The following NXPE2 variants were observed in gnomAD, a reference collection of about 807,000 sequenced individuals.
NXPE2 encodes the protein neurexophilin and PC-esterase domain family member 2.
In NXPE2, 34 loss-of-function variants were observed where a neutral mutation model predicts 34.4. That is an observed-to-expected ratio of 0.99 (90% CI 0.75 to 1.31). The LOEUF (loss-of-function observed/expected upper bound fraction) is 1.31. NXPE2 is among the 40% of genes most tolerant of loss of function. NXPE2 has a pLI of 0.00. For synonymous variants in NXPE2, 235 were observed against 231.3 expected (o/e 1.02, Z -0.15); for missense variants, 649 against 672.5 (o/e 0.97, Z 0.39).
At chr11:114,582,032 A>C in the NXPE2 span, among the ~76,000 whole-genome samples, 1 of 152,226 alleles carries the variant, frequency 6.6e-6, no homozygotes. Context: ...ACACATACAC[A>C]CATGTGCATT....
chr11:114,601,931 ATATATATTATATAATTATATATAATAT>A, the NXPE2 span, among the ~76,000 whole-genome samples: 1 of 62,662 alleles, frequency 1.6e-5, no homozygotes, highest in Non-Finnish European at 2.9e-5. Context: ...TAATATATTT[ATATATATTATATAATTATATATAATAT>A]TATATATTAT....
chr11:114,558,999 CAGTT>C, the NXPE2 span, among the ~76,000 whole-genome samples: 2 of 152,098 alleles, frequency 1.3e-5, no homozygotes, highest in Non-Finnish European at 2.9e-5. Flanking sequence ...TACTATCCAA[CAGTT>C]AGATACAACT....
At chr11:114,571,549 G>A in the NXPE2 span, 165 of 1,243,312 alleles carry the variant, frequency 1.3e-4, no homozygotes, top group Non-Finnish European at 1.8e-4. Context: ...AGATGGAAGA[G>A]ATTTGATTGG....
chr11:114,513,038 C>T, the NXPE2 span: 1 of 424,634 alleles, frequency 2.4e-6, no homozygotes. Context: ...GGTATCTGAC[C>T]CCCCCCAGAA....
the NXPE2 span, among the ~76,000 whole-genome samples, chr11:114,602,071 T>C: frequency 1.1e-5 from 1 of 94,116 alleles, no homozygotes; most frequent in East Asian, 3.3e-4. Context: ...TTATAATATA[T>C]ATTCTATATT....
At chr11:114,792,720 TC>T in the NXPE2 span, among the ~76,000 whole-genome samples, 1 of 151,834 alleles carries the variant, frequency 6.6e-6, no homozygotes, top group Admixed American at 6.6e-5. Context: ...ACTTGATGCT[TC>T]CCCCATTTGG....
the NXPE2 span, among the ~76,000 whole-genome samples, chr11:114,483,507 T>G: frequency 6.6e-6 from 1 of 152,204 alleles, no homozygotes; most frequent in Admixed American, 6.5e-5. Flanking sequence ...TTAAGCCCAG[T>G]GCCTGGCACA....
At chr11:114,571,541 A>G in the NXPE2 span, 1 of 1,348,942 alleles carries the variant, frequency 7.4e-7, no homozygotes, top group Non-Finnish European at 1.0e-6. Flanking sequence ...AGATATAAAG[A>G]TGGAAGAGAT....
chr11:114,603,032 C>T, the NXPE2 span, among the ~76,000 whole-genome samples: 607 of 150,984 alleles, frequency 4.0e-3, 1 homozygote, highest in Non-Finnish European at 6.8e-3. Flanking sequence ...ATATATAATA[C>T]GGAACCGTAT....
At chr11:114,583,243 A>C in the NXPE2 span, 1 of 681,560 alleles carries the variant, frequency 1.5e-6, no homozygotes, top group Non-Finnish European at 2.6e-6. Flanking sequence ...AGGGACAGGA[A>C]GTGAGCAAGA....
chr11:114,585,927 T>C, the NXPE2 span, among the ~76,000 whole-genome samples: 1 of 152,136 alleles, frequency 6.6e-6, no homozygotes. Context: ...TTTGTCACCA[T>C]GTGTACAGTA....
the NXPE2 span, chr11:114,571,575 T>G: frequency 9.5e-7 from 1 of 1,054,866 alleles, no homozygotes; most frequent in Non-Finnish European, 1.4e-6. Context: ...TTAAATAAGC[T>G]AATCATGTCT....
the NXPE2 span, among the ~76,000 whole-genome samples, chr11:114,496,872 T>C: frequency 6.6e-6 from 1 of 152,340 alleles, no homozygotes; most frequent in South Asian, 2.1e-4. Flanking sequence ...CTTACGTCTT[T>C]GTGCTGATGC....
the NXPE2 span, among the ~76,000 whole-genome samples, chr11:114,800,551 G>A: frequency 1.3e-5 from 2 of 152,124 alleles, no homozygotes; most frequent in Non-Finnish European, 2.9e-5. Flanking sequence ...CAAGATATCT[G>A]CAAACCTCGT....
upstream of NXPE2, among the ~76,000 whole-genome samples, chr11:114,673,704 C>T (rs1607260): frequency 0.16 from 23,775 of 151,750 alleles, 2,157 homozygotes; most frequent in South Asian, 0.2. Context: ...GAAAGTTAAA[C>T]TTGGGAATTG....
chr11:114,476,458 A>G, the NXPE2 span, among the ~76,000 whole-genome samples: 4 of 152,128 alleles, frequency 2.6e-5, no homozygotes, highest in African/African-American at 9.6e-5. Context: ...GAAACAAAGC[A>G]TAATAGTTGT....
chr11:114,713,075 G>C, the NXPE2 span, among the ~76,000 whole-genome samples: 673 of 152,262 alleles, frequency 4.4e-3, 2 homozygotes, highest in Middle Eastern at 0.017. Context: ...ATTCATAGCA[G>C]TCAAAATCAT....
chr11:114,777,503 G>A, the NXPE2 span, among the ~76,000 whole-genome samples: 3 of 152,196 alleles, frequency 2.0e-5, no homozygotes, highest in African/African-American at 7.2e-5. Context: ...CTCTTTCCTA[G>A]TAAGAGTCAT....
chr11:114,651,421 T>G, the NXPE2 span, among the ~76,000 whole-genome samples: 1 of 152,082 alleles, frequency 6.6e-6, no homozygotes, highest in Non-Finnish European at 1.5e-5. Flanking sequence ...CTGCAAACGT[T>G]TGCGGTGAGT....
Sources: gnomAD v4.1 joint callset for allele counts (sites outside exome capture counted in the v4.1 genomes callset) on GRCh38, gnomAD v4.1.1 for gene constraint, MANE v1.5 for transcripts, NCBI Gene and HGNC (gene_info 2026-07-23, HGNC 2026-07-21) for gene names.